The following MICOS10 variants were observed in gnomAD, a reference collection of about 807,000 sequenced individuals.
The protein encoded by MICOS10 is MICOS complex subunit MIC10.
In MICOS10, 5 loss-of-function variants were observed where a neutral mutation model predicts 13.4. The ratio of observed to expected loss-of-function variants is 0.37; its 90% CI spans 0.20 to 0.78. MICOS10 has a LOEUF of 0.78. Among genes scored for constraint, MICOS10 ranks in the 30% least tolerant of loss-of-function variants. MICOS10 has a pLI of 0.47. For synonymous variants in MICOS10, 35 were observed against 33.6 expected (o/e 1.04, Z -0.15); for missense variants, 101 against 94.6 (o/e 1.07, Z -0.28).
At chr1:19,600,571 G>A (rs2094810225) in intron 1 of MICOS10, among the ~76,000 whole-genome samples, 1 of 152,166 alleles carries the variant, frequency 6.6e-6, no homozygotes, top group African/African-American at 2.4e-5. Context: ...GGCCAATGCA[G>A]GCTTTCAGCT....
chr1:19,598,987 C>T (rs1157009394), intron 1 of MICOS10, among the ~76,000 whole-genome samples: 1 of 152,032 alleles, frequency 6.6e-6, no homozygotes, highest in South Asian at 2.1e-4. Context: ...TGGGCTCAAG[C>T]GATCCTCCTG....
intron 1 of MICOS10, chr1:19,597,995 G>C (rs1334176442): frequency 6.6e-6 from 1 of 152,144 alleles, no homozygotes; most frequent in East Asian, 1.9e-4. Flanking sequence ...GGTAATCTTA[G>C]GGTATTTAAG....
At chr1:19,614,943 G>T (rs986474547) in intron 1 of MICOS10, among the ~76,000 whole-genome samples, 3 of 152,160 alleles carry the variant, frequency 2.0e-5, no homozygotes, top group African/African-American at 7.2e-5. Context: ...ACTGAGTGGA[G>T]TGCGTTCCCG....
chr1:19,599,488 A>T (rs1394155211), intron 1 of MICOS10, among the ~76,000 whole-genome samples: 1 of 152,212 alleles, frequency 6.6e-6, no homozygotes, highest in African/African-American at 2.4e-5. Context: ...AAATGAGGCA[A>T]GGTGATGTAC....
intron 1 of MICOS10, among the ~76,000 whole-genome samples, chr1:19,604,911 A>G (rs1297461879): frequency 2.6e-5 from 4 of 152,194 alleles, no homozygotes; most frequent in African/African-American, 4.8e-5. Context: ...GTCCCAAAGG[A>G]GAGGGATACT....
At chr1:19,597,185 G>A in intron 1 of MICOS10, 76 bp downstream of exon 1, 4 of 1,484,060 alleles carry the variant, frequency 2.7e-6, no homozygotes, top group South Asian at 1.2e-5. Context: ...CAGGAGGAAG[G>A]AAGGGAAGCC....
intron 1 of MICOS10, among the ~76,000 whole-genome samples, chr1:19,611,551 G>A (rs2094861745): frequency 7.5e-6 from 1 of 134,068 alleles, no homozygotes; most frequent in South Asian, 2.3e-4. Flanking sequence ...ACATCTCACT[G>A]CAGCCTTGAC....
At chr1:19,605,856 C>T (rs182763267) in intron 1 of MICOS10, among the ~76,000 whole-genome samples, 1 of 152,170 alleles carries the variant, frequency 6.6e-6, no homozygotes, top group East Asian at 1.9e-4. Context: ...GCTCAGCCCC[C>T]CAGTTTTTAT....
At chr1:19,598,363 G>A (rs1295481623) in intron 1 of MICOS10, among the ~76,000 whole-genome samples, 1 of 152,076 alleles carries the variant, frequency 6.6e-6, no homozygotes, top group African/African-American at 2.4e-5. Flanking sequence ...GGGTTATTTT[G>A]GAAGCGACTA....
chr1:19,622,448 C>T (rs12127277), intron 2 of MICOS10, among the ~76,000 whole-genome samples: 11,933 of 152,174 alleles, frequency 0.078, 645 homozygotes, highest in Non-Finnish European at 0.11. Context: ...CAAGTCTACA[C>T]GCTCAGATAT....
intron 1 of MICOS10, 32 bp downstream of exon 1, chr1:19,597,141 C>A: frequency 6.3e-7 from 1 of 1,587,616 alleles, no homozygotes; most frequent in Non-Finnish European, 8.6e-7. Context: ...CAGGCCCGGC[C>A]GGTGCAGAGC....
Position 19,611,970 on chromosome 1 carries a change from CA to C in MICOS10, c.65-10115del, listed in dbSNP as rs1198566051. On this transcript the variant is annotated intron_variant, in intron 1 of 3. Transcript: ENST00000322753. ...CTGGTGACAGAGTGAGGCTCCATCT[CA>C]AAAAAAAAAAAAAAGATTTTTTTTT... Among the ~76,000 whole-genome samples the C allele has an allele frequency of 3.0e-3, 270 of 91,316 alleles. 1 individual carries two copies. The highest frequency in any genetic ancestry group is 7.7e-3 in the Admixed American group (68 of 8,878). 59.9% of individuals were successfully genotyped at this position (91,316 alleles called of 152,430 possible). A position where few individuals can be genotyped will look rare whatever the true frequency, so the allele number is the denominator to read the frequency against.
chr1:19,621,059 A>G (rs1214971113), intron 1 of MICOS10, among the ~76,000 whole-genome samples: 1 of 152,090 alleles, frequency 6.6e-6, no homozygotes, highest in Non-Finnish European at 1.5e-5. Flanking sequence ...CCTTTACCTC[A>G]TTTTCTAGTA....
chr1:19,614,110 CTG>C (rs1176105899), intron 1 of MICOS10, among the ~76,000 whole-genome samples: 3 of 152,000 alleles, frequency 2.0e-5, no homozygotes, highest in Admixed American at 6.6e-5. Flanking sequence ...GAGTCCTGCT[CTG>C]TCACTCAGGC....
chr1:19,599,424 G>C (rs1558335594), intron 1 of MICOS10, among the ~76,000 whole-genome samples: 1 of 152,174 alleles, frequency 6.6e-6, no homozygotes, highest in Non-Finnish European at 1.5e-5. Flanking sequence ...GTGTCACTCT[G>C]TCTCTCATGC....
At chr1:19,604,078 G>A (rs747261870) in intron 1 of MICOS10, among the ~76,000 whole-genome samples, 4 of 152,118 alleles carry the variant, frequency 2.6e-5, no homozygotes, top group Non-Finnish European at 5.9e-5. Context: ...CAAAATAAAT[G>A]TACCAGTAAA....
At chr1:19,625,441 A>T in intron 3 of MICOS10, 7 of 1,289,314 alleles carry the variant, frequency 5.4e-6, no homozygotes, top group Non-Finnish European at 6.1e-6. Flanking sequence ...TCTGCTGGAG[A>T]GATGGGAGTA....
Position 19,597,026 on chromosome 1 carries a change from T to C in MICOS10, c.-20T>C, listed in dbSNP as rs754013330. On this transcript the variant is annotated 5_prime_UTR_variant, in exon 1 of 4. Coordinates refer to ENST00000322753, the MANE Select transcript of MICOS10 (RefSeq NM_001032363.4). ...CGCGGGGGCCGGCCGAGAGGAAAGC[T>C]GGAGGCGCGGGTGGGGAACATGTCT... 1.1e-5 allele frequency: 18 copies of C among 1,575,554 alleles called. No individual in the cohort carries two copies. The highest frequency in any genetic ancestry group is 3.4e-4 in the Middle Eastern group (2 of 5,918).
Position 19,623,025 on chromosome 1 carries a change from G to A in MICOS10, c.113-449G>A, listed in dbSNP as rs560816694. ...CAACCTCCGCCTCCCTGGTTCAAGC[G>A]ATTCCCCTGCCTCAGCCTCCCAAGT... On this transcript the variant is annotated intron_variant, in intron 2 of 3. Coordinates refer to ENST00000322753, the MANE Select transcript of MICOS10 (RefSeq NM_001032363.4). 1.3e-4 allele frequency among the ~76,000 whole-genome samples: 20 copies of A among 150,070 alleles called. No individual in the cohort carries two copies. The South Asian group carries it at 2.9e-3, about 22-fold the overall frequency.
Sources: gnomAD v4.1 joint callset for allele counts (sites outside exome capture counted in the v4.1 genomes callset) on GRCh38, gnomAD v4.1.1 for gene constraint, MANE v1.5 for transcripts, NCBI Gene and HGNC (gene_info 2026-07-23, HGNC 2026-07-21) for gene names.